C4orf54: variants seen among roughly 807,000 people sequenced by gnomAD.
C4orf54 encodes the protein uncharacterized protein C4orf54.
In C4orf54, 67 loss-of-function variants were observed where a neutral mutation model predicts 80.1. The observed-to-expected ratio is 0.84, with a 90% CI of 0.69 to 1.03. The LOEUF is 1.03. Ranked by LOEUF, C4orf54 falls within the 50% of genes least tolerant of loss-of-function variation. The pLI is 0.00. For missense variants in C4orf54, 2,434 were observed against 2,253.5 expected (o/e 1.08, Z -1.62); for synonymous variants, 1,000 against 917.0 (o/e 1.09, Z -1.64).
chr4:99,637,776 A>G lies in C4orf54; in HGVS notation c.*3457T>C, dbSNP rs963741861. The G allele has an allele frequency of 2.6e-5, 4 of 152,144 alleles. No homozygotes were observed. The highest frequency in any genetic ancestry group is 1.3e-4 in the Admixed American group (2 of 15,264). The allele number at this position is 152,144 out of a possible 1,614,324, so 9.4% of individuals were successfully genotyped here. On this transcript the variant is annotated 3_prime_UTR_variant, in exon 3 of 3. Coordinates refer to ENST00000511828, the MANE Select transcript of C4orf54 (RefSeq NM_001354435.2). ...GCATACCCTGAGAATTTGGGGTGCA[A>G]ACCTACACCTTGTAAACTGTAGAAT...
intron 2 of C4orf54, among the ~76,000 whole-genome samples, chr4:99,644,760 T>C (rs1408189628): frequency 1.5e-5 from 2 of 130,510 alleles, no homozygotes; most frequent in South Asian, 2.4e-4. Context: ...AAAAAAAAAC[T>C]ACAAAAAAAG....
Position 99,652,593 on chromosome 4 carries a change from C to A in C4orf54, c.2056G>T (p.Ala686Ser). The change falls in exon 2 of 3, where the codon GCC (alanine) becomes TCC (serine). Residue 686 changes from alanine (A) to serine (S), a missense_variant. Transcript: ENST00000511828. Reference protein sequence around the residue: ...VEQSLLRSSAASVAAGLRKGS... With the variant: ...VEQSLLRSSASSVAAGLRKGS... ...TTCCTCAGACCTGCAGCCACAGAGG[C>A]CGCGCTGCTCCTGAGGAGGCTCTGC... is the stretch of plus-strand genomic sequence containing the variant. 1 of 1,536,072 alleles carries A rather than the reference C, an allele frequency of 6.5e-7. No individual in the cohort carries two copies. Among genetic ancestry groups the A allele is most frequent in the Non-Finnish European group, 8.7e-7 (1 of 1,146,902 alleles).
intron 2 of C4orf54, among the ~76,000 whole-genome samples, chr4:99,648,142 A>G (rs1223013261): frequency 4.6e-5 from 7 of 150,698 alleles, no homozygotes; most frequent in Non-Finnish European, 4.4e-5. Flanking sequence ...TCTGAAGAGA[A>G]CAGGAGTGTA....
rs1444553517 is a variant in C4orf54 at position 99,653,941 on chromosome 4, G to T, written c.708C>A (p.Pro236=). The T allele has an allele frequency of 1.3e-6, 2 of 1,536,112 alleles. No homozygotes were observed. Among genetic ancestry groups the T allele is most frequent in the Non-Finnish European group, 1.7e-6 (2 of 1,146,902 alleles). The change falls in exon 2 of 3, where the codon CCC becomes CCA. Residue 236 remains proline, a synonymous_variant. Transcript: ENST00000511828. ...TCTGGGGGCTTGGAGTCTTGCTGCT[G>T]GGTTCATCTTGGGCTTTCTCCTTTG... ...RSPKEKAQDE[P]SSKTPSPQNN... is the part of the protein sequence containing the mutation.
intron 1 of C4orf54, among the ~76,000 whole-genome samples, chr4:99,655,944 G>T (rs540295396): frequency 6.6e-6 from 1 of 152,104 alleles, no homozygotes; most frequent in African/African-American, 2.4e-5. Context: ...TCTTTCCTCC[G>T]AATAGGCATG....
Position 99,651,639 on chromosome 4 carries a change from G to A in C4orf54, c.3010C>T (p.Pro1004Ser), listed in dbSNP as rs749301565. The A allele has an allele frequency of 6.5e-7, 1 of 1,536,102 alleles. No individual in the cohort carries two copies. Among genetic ancestry groups the A allele is most frequent in the South Asian group, 1.2e-5 (1 of 84,048 alleles). The change falls in exon 2 of 3, where the codon CCG becomes TCG. Residue 1004 changes from proline (P) to serine (S), a missense_variant. Coordinates refer to ENST00000511828, the MANE Select transcript of C4orf54 (RefSeq NM_001354435.2). The stretch of plus-strand genomic sequence containing the variant: ...GGGTACTTGGTGGCCTGCTTCCTCG[G>A]CTGCTTGTCCTTGGGTGTCTGCTGG... ...NIQQTPKDKQPRKQATKYPAA... is the reference protein window; with the variant it reads ...NIQQTPKDKQSRKQATKYPAA...
chr4:99,656,952 A>C (rs1726988519), intron 1 of C4orf54, among the ~76,000 whole-genome samples: 1 of 152,244 alleles, frequency 6.6e-6, no homozygotes, highest in African/African-American at 2.4e-5. Flanking sequence ...GCGTGACCAC[A>C]CATATACCAT....
Position 99,654,259 on chromosome 4 carries a change from G to C in C4orf54, c.390C>G (p.His130Gln). 4 of 1,536,130 alleles carry C rather than the reference G, an allele frequency of 2.6e-6. No individual in the cohort carries two copies. The highest frequency in any genetic ancestry group is 3.5e-6 in the Non-Finnish European group (4 of 1,146,886). Residue 130 changes from histidine (H) to glutamine (Q), a missense_variant, in exon 2 of 3, where the codon CAC becomes CAG. By Grantham distance (24) the His-to-Gln change is conservative. Transcript: ENST00000511828. Reference sequence around the variant, plus strand: ...GTTTCAGCGACAGGAAGAGACAATGGTGATCGCTGGGGAAGTCTTGGGTCC... The same window carrying C: ...GTTTCAGCGACAGGAAGAGACAATGCTGATCGCTGGGGAAGTCTTGGGTCC... ...QRRTQDFPSD[H>Q]HCLFLSLKPG...
rs1398735784 is a variant in C4orf54 at position 99,654,503 on chromosome 4, G to A, written c.146C>T (p.Thr49Ile). Reference sequence around the variant, plus strand: ...GGGGGCTGCTGCTCCGGCCGAGACTGTGGCCAGTGTTCTGTAGCTGAGCTG... The same window carrying A: ...GGGGGCTGCTGCTCCGGCCGAGACTATGGCCAGTGTTCTGTAGCTGAGCTG... ...TGQLSYRTLA[T>I]VSAGAAAPQP... Residue 49 changes from threonine (T) to isoleucine (I), a missense_variant, in exon 2 of 3, where the codon ACA becomes ATA. Physicochemically the swap from Thr to Ile is moderately conservative, Grantham distance 89 (BLOSUM62 -1). Coordinates refer to ENST00000511828, the MANE Select transcript of C4orf54 (RefSeq NM_001354435.2). 1.4e-6 allele frequency: 1 copy of A among 703,802 alleles called. No individual in the cohort carries two copies. The allele number at this position is 703,802 out of a possible 1,614,324, so 43.6% of individuals were successfully genotyped here. A position where few individuals can be genotyped will look rare whatever the true frequency, so the allele number is the denominator to read the frequency against.
chr4:99,642,873 G>A (rs1297765770), intron 2 of C4orf54, among the ~76,000 whole-genome samples: 4 of 152,302 alleles, frequency 2.6e-5, no homozygotes, highest in Admixed American at 1.3e-4. Context: ...GAAAATCACC[G>A]CACACAGCTG....
intron 2 of C4orf54, among the ~76,000 whole-genome samples, chr4:99,641,961 A>T (rs762736767): frequency 1.3e-5 from 2 of 152,210 alleles, no homozygotes; most frequent in Non-Finnish European, 2.9e-5. Context: ...ATCAAATAAC[A>T]GCTATCTAGC....
At chr4:99,646,396 A>T (rs1390240780) in intron 2 of C4orf54, among the ~76,000 whole-genome samples, 1 of 152,220 alleles carries the variant, frequency 6.6e-6, no homozygotes, top group Non-Finnish European at 1.5e-5. Flanking sequence ...TTCATTTTAC[A>T]AATGTCCAGA....
chr4:99,654,457 G>A lies in C4orf54; in HGVS notation c.192C>T (p.Thr64=), dbSNP rs1356568806. The change falls in exon 2 of 3, where the codon ACC becomes ACT. Residue 64 remains threonine, a synonymous_variant. Coordinates refer to ENST00000511828, the MANE Select transcript of C4orf54 (RefSeq NM_001354435.2). ...AAAPQPQTTS[T]ASSRSLPTSL... is the part of the protein sequence containing the mutation. The stretch of plus-strand genomic sequence containing the variant: ...AGGTGGGAAGGCTCCTGGATGAGGC[G>A]GTGGAGGTGGTCTGTGGCTGGGGGG... 1.3e-5 allele frequency: 9 copies of A among 713,730 alleles called. No individual in the cohort carries two copies. The highest frequency in any genetic ancestry group is 2.7e-5 in the East Asian group (1 of 37,336). The allele number at this position is 713,730 out of a possible 1,614,324, so 44.2% of individuals were successfully genotyped here. A position where few individuals can be genotyped will look rare whatever the true frequency, so the allele number is the denominator to read the frequency against.
chr4:99,647,317 C>T (rs1202292135), intron 2 of C4orf54, among the ~76,000 whole-genome samples: 4 of 152,172 alleles, frequency 2.6e-5, no homozygotes, highest in Admixed American at 2.0e-4. Flanking sequence ...ACAGCTTGCA[C>T]AAAGGCCTCA....
chr4:99,643,998 A>C (rs1191464671), intron 2 of C4orf54, among the ~76,000 whole-genome samples: 1 of 152,168 alleles, frequency 6.6e-6, no homozygotes, highest in East Asian at 1.9e-4. Context: ...ATTTTGGAGA[A>C]GTTAGGTAGT....
In C4orf54 at chr4:99,652,176, G is replaced by A. The variant is rs1227342341; in HGVS notation, c.2473C>T (p.His825Tyr). The A allele has an allele frequency of 6.5e-7, 1 of 1,535,952 alleles. No individual in the cohort carries two copies. The highest frequency in any genetic ancestry group is 8.7e-7 in the Non-Finnish European group (1 of 1,146,898). Reference protein sequence around the residue: ...NVISKKMQREHEFKMERGEVM... With the variant: ...NVISKKMQREYEFKMERGEVM... ...TCTCCCCTCTCCATTTTGAACTCGT[G>A]TTCCCGCTGCATCTTCTTGGAAATG... The change falls in exon 2 of 3, where the codon CAC becomes TAC. Residue 825 changes from histidine to tyrosine, a missense_variant. Transcript: ENST00000511828.
rs191501201 is a variant in C4orf54 at position 99,646,493 on chromosome 4, T to C, written c.*36+2738A>G. On this transcript the variant is annotated intron_variant, in intron 2 of 2. Transcript: ENST00000511828. ...TCCTTGCTGCCAGTTCAGAGCTCAT[T>C]ACCACCTCCTTTACTGTCCCTTTTT... 2.3e-4 allele frequency among the ~76,000 whole-genome samples: 35 copies of C among 152,320 alleles called. 1 individual carries two copies. The highest frequency in any genetic ancestry group is 1.2e-3 in the Admixed American group (19 of 15,300).
In C4orf54 at chr4:99,654,242, G is replaced by A; in HGVS notation, c.407C>T (p.Ser136Leu). 1 of 1,536,140 alleles carries A rather than the reference G, an allele frequency of 6.5e-7. No individual in the cohort carries two copies. ...TATGAGCCCTTGCCCAGGTTTCAGC[G>A]ACAGGAAGAGACAATGGTGATCGCT... ...FPSDHHCLFL[S>L]LKPGQGLIME... Residue 136 changes from serine to leucine, a missense_variant, in exon 2 of 3, where the codon TCG becomes TTG. Ser to Leu is a moderately radical substitution (Grantham distance 145, BLOSUM62 -2). Coordinates refer to ENST00000511828, the MANE Select transcript of C4orf54 (RefSeq NM_001354435.2).
At position 99,652,843 on chromosome 4, in the gene C4orf54, C is replaced by T; in HGVS notation, c.1806G>A (p.Leu602=). The T allele has an allele frequency of 6.5e-7, 1 of 1,536,118 alleles. No individual in the cohort carries two copies. The highest frequency in any genetic ancestry group is 2.4e-5 in the East Asian group (1 of 40,896). ...TRCGAIRAKE[L]VDYSSGASSA... is the part of the protein sequence containing the mutation. The stretch of plus-strand genomic sequence containing the variant: ...TGGAGGCTCCGCTGGAGTAGTCCAC[C>T]AGCTCCTTCGCCCGGATGGCCCCGC... The change falls in exon 2 of 3, where the codon CTG becomes CTA. Residue 602 remains leucine (L), a synonymous_variant. Coordinates refer to ENST00000511828, the MANE Select transcript of C4orf54 (RefSeq NM_001354435.2).
Sources: gnomAD v4.1 joint callset for allele counts (sites outside exome capture counted in the v4.1 genomes callset) on GRCh38, gnomAD v4.1.1 for gene constraint, MANE v1.5 for transcripts, NCBI Gene and HGNC (gene_info 2026-07-23, HGNC 2026-07-21) for gene names.